CNTN4: variants seen among roughly 807,000 people sequenced by gnomAD.
The protein encoded by CNTN4 is contactin-4.
In CNTN4, 77 loss-of-function variants were observed where a neutral mutation model predicts 122.5. That is an observed-to-expected ratio of 0.63 (90% CI 0.52 to 0.76). The LOEUF (loss-of-function observed/expected upper bound fraction) is 0.76, where lower values mean the gene tolerates loss of function less well. Ranked by LOEUF, CNTN4 falls within the 30% of genes least tolerant of loss-of-function variation. CNTN4 has a pLI of 0.00. For synonymous variants in CNTN4, 512 were observed against 447.0 expected, an observed-to-expected ratio of 1.15 and a Z score of -1.83; for missense variants, 1,256 against 1,259.1, an observed-to-expected ratio of 1.00 and a Z score of 0.04.
chr3:2,908,608 G>A (rs1435027533), intron 12 of CNTN4, among the ~76,000 whole-genome samples: 5 of 152,146 alleles, frequency 3.3e-5, no homozygotes, highest in Non-Finnish European at 7.3e-5. Flanking sequence ...GAGATAATGA[G>A]GCTAGCTTTT....
At chr3:2,328,296 C>T (rs2043549643) in intron 2 of CNTN4, among the ~76,000 whole-genome samples, 1 of 150,578 alleles carries the variant, frequency 6.6e-6, no homozygotes, top group South Asian at 2.1e-4. Flanking sequence ...GTCCCAGCTA[C>T]TCGGGAGGCT....
intron 4 of CNTN4, among the ~76,000 whole-genome samples, chr3:2,705,628 A>G (rs2086642303): frequency 1.1e-5 from 1 of 86,976 alleles, no homozygotes; most frequent in Non-Finnish European, 1.9e-5. Flanking sequence ...TATAATATAT[A>G]AATATATATA....
intron 23 of CNTN4, among the ~76,000 whole-genome samples, chr3:3,044,971 C>A (rs945605993): frequency 6.6e-6 from 1 of 152,202 alleles, no homozygotes; most frequent in African/African-American, 2.4e-5. Context: ...AGATTATATC[C>A]CATGCATGGC....
At chr3:2,287,652 G>C (rs1575271942) in intron 2 of CNTN4, among the ~76,000 whole-genome samples, 1 of 22,554 alleles carries the variant, frequency 4.4e-5, no homozygotes, top group African/African-American at 1.2e-4. Context: ...AGAAGAAGAA[G>C]AAGAAGAAGA....
chr3:2,424,051 G>A (rs1274815823), intron 3 of CNTN4, among the ~76,000 whole-genome samples: 3 of 150,278 alleles, frequency 2.0e-5, no homozygotes, highest in Non-Finnish European at 4.4e-5. Context: ...TCATAAAAGA[G>A]GTAGTTTAGC....
chr3:3,045,378 C>G (rs562764200), intron 23 of CNTN4, among the ~76,000 whole-genome samples: 15 of 152,336 alleles, frequency 9.8e-5, no homozygotes, highest in East Asian at 3.9e-4. Context: ...GAGGTACCCC[C>G]CAGTAGGGGC....
At chr3:2,627,061 C>T (rs2082218550) in intron 4 of CNTN4, among the ~76,000 whole-genome samples, 1 of 152,188 alleles carries the variant, frequency 6.6e-6, no homozygotes, top group Admixed American at 6.5e-5. Flanking sequence ...CTAGTCTGAA[C>T]ATGTTGTTGA....
In CNTN4 at chr3:2,270,819, A is replaced by T. The variant is rs550848021; in HGVS notation, c.-144-68359A>T. On this transcript the variant is annotated intron_variant, in intron 2 of 24. Coordinates refer to ENST00000418658, the MANE Select transcript of CNTN4 (RefSeq NM_175607.3). The stretch of plus-strand genomic sequence containing the variant: ...TGGCTTAGTTCCTTCTATTCCACTC[A>T]TTTCTTACAGTTCAGCTGCCTCCCG... Among the ~76,000 whole-genome samples the T allele has an allele frequency of 9.9e-5, 15 of 152,198 alleles. No homozygotes were observed. The East Asian group carries it at 2.7e-3, about 27-fold the overall frequency.
chr3:2,857,886 A>G (rs1323814447), intron 7 of CNTN4, among the ~76,000 whole-genome samples: 1 of 152,162 alleles, frequency 6.6e-6, no homozygotes, highest in Admixed American at 6.5e-5. Context: ...CCATCAAAAT[A>G]CTCATATTAG....
intron 2 of CNTN4, among the ~76,000 whole-genome samples, chr3:2,325,261 T>C (rs898036953): frequency 1.3e-5 from 2 of 152,226 alleles, no homozygotes; most frequent in African/African-American, 4.8e-5. Flanking sequence ...TTTACAAAAA[T>C]GTAGAACATG....
At chr3:2,610,100 A>T (rs903929820) in intron 4 of CNTN4, among the ~76,000 whole-genome samples, 2 of 152,184 alleles carry the variant, frequency 1.3e-5, no homozygotes, top group Non-Finnish European at 2.9e-5. Flanking sequence ...GTAAATACAA[A>T]ATGCCAGGTT....
At chr3:2,668,629 G>A (rs2084315119) in intron 4 of CNTN4, among the ~76,000 whole-genome samples, 1 of 152,100 alleles carries the variant, frequency 6.6e-6, no homozygotes, top group Admixed American at 6.6e-5. Context: ...CCAACACTAT[G>A]TTGAATAGGA....
intron 2 of CNTN4, among the ~76,000 whole-genome samples, chr3:2,200,421 G>A (rs867987707): frequency 1.3e-5 from 2 of 152,076 alleles, no homozygotes; most frequent in Non-Finnish European, 2.9e-5. Context: ...GTTTCCTCCC[G>A]GGACATTTGG....
chr3:3,044,730 T>A (rs529239098), intron 23 of CNTN4, among the ~76,000 whole-genome samples: 3 of 152,146 alleles, frequency 2.0e-5, no homozygotes, highest in Admixed American at 6.5e-5. Context: ...AGGTACTGGG[T>A]TCATCTCAAT....
intron 3 of CNTN4, among the ~76,000 whole-genome samples, chr3:2,526,948 T>G (rs1374557383): frequency 1.3e-5 from 2 of 152,170 alleles, no homozygotes; most frequent in East Asian, 3.9e-4. Context: ...CTGAATCTTG[T>G]TTTCATTGCT....
intron 6 of CNTN4, among the ~76,000 whole-genome samples, chr3:2,788,375 G>T (rs1160925874): frequency 6.6e-6 from 1 of 152,130 alleles, no homozygotes; most frequent in Non-Finnish European, 1.5e-5. Context: ...AATATAAACT[G>T]ATGGAATGTG....
At chr3:2,227,966 A>T (rs2149527125) in intron 2 of CNTN4, among the ~76,000 whole-genome samples, 1 of 152,316 alleles carries the variant, frequency 6.6e-6, no homozygotes. Flanking sequence ...TTGATATTAG[A>T]AGTAAAGTAT....
At chr3:2,825,415 G>C (rs2092965835) in intron 7 of CNTN4, among the ~76,000 whole-genome samples, 1 of 151,900 alleles carries the variant, frequency 6.6e-6, no homozygotes, top group Non-Finnish European at 1.5e-5. Flanking sequence ...GTAGAGACAG[G>C]GTTTTGCCAT....
chr3:3,047,532 G>A (rs1268139090), intron 23 of CNTN4, among the ~76,000 whole-genome samples: 11 of 146,654 alleles, frequency 7.5e-5, no homozygotes, highest in African/African-American at 2.8e-4. Context: ...TGACTACTGG[G>A]TACATAACGA....
Sources: allele counts gnomAD v4.1 joint callset (sites outside exome capture counted in the v4.1 genomes callset), GRCh38; gene constraint gnomAD v4.1.1; transcripts MANE v1.5; gene names NCBI Gene and HGNC (gene_info 2026-07-23, HGNC 2026-07-21).